Variants in RERE observed in about 807,000 individuals in gnomAD.
RERE encodes the protein arginine-glutamic acid dipeptide repeats protein.
A neutral mutation model predicts 146.1 loss-of-function variants in RERE; 40 were observed. That is an observed-to-expected ratio of 0.27 (90% CI 0.21 to 0.36). RERE has a LOEUF of 0.36. Among genes scored for constraint, RERE ranks in the 10% least tolerant of loss-of-function variants. RERE has a pLI of 1.00. For missense variants in RERE, 1,933 were observed against 2,138.7 expected, an observed-to-expected ratio of 0.90 and a Z score of 1.90; for synonymous variants, 1,003 against 866.0, an observed-to-expected ratio of 1.16 and a Z score of -2.78.
chr1:8,386,018 A>ATT (rs1428623957), intron 12 of RERE, among the ~76,000 whole-genome samples: 10 of 41,904 alleles, frequency 2.4e-4, no homozygotes, highest in African/African-American at 5.1e-4. Context: ...ATATATATAT[A>ATT]TATATTTTTT....
intron 1 of RERE, among the ~76,000 whole-genome samples, chr1:8,712,850 G>A (rs1188304619): frequency 6.6e-6 from 1 of 151,700 alleles, no homozygotes; most frequent in Non-Finnish European, 1.5e-5. Context: ...CTTTTTCTCA[G>A]GAAGGTCAGA....
intron 11 of RERE, chr1:8,465,646 T>G (rs1166442448): frequency 2.0e-6 from 1 of 503,196 alleles, no homozygotes; most frequent in Non-Finnish European, 3.8e-6. Flanking sequence ...AAAAACAAGT[T>G]CAAATTAACT....
intron 1 of RERE, among the ~76,000 whole-genome samples, chr1:8,793,430 A>G (rs1641405453): frequency 1.3e-5 from 2 of 152,216 alleles, no homozygotes; most frequent in African/African-American, 2.4e-5. Flanking sequence ...TTTCAAAGCC[A>G]GTCCCACAAC....
chr1:8,609,210 C>T (rs1646760335), intron 4 of RERE, among the ~76,000 whole-genome samples: 1 of 151,418 alleles, frequency 6.6e-6, no homozygotes, highest in Non-Finnish European at 1.5e-5. Flanking sequence ...AGAGCAAGAC[C>T]CTGTCTCCCA....
intron 1 of RERE, among the ~76,000 whole-genome samples, chr1:8,708,969 G>A (rs530571206): frequency 7.4e-6 from 1 of 134,700 alleles, no homozygotes; most frequent in Non-Finnish European, 1.5e-5. Flanking sequence ...TTGGAGTGCA[G>A]TGGTGCAATC....
chr1:8,641,771 G>GA (rs1647182309), intron 2 of RERE, among the ~76,000 whole-genome samples: 1 of 152,146 alleles, frequency 6.6e-6, no homozygotes, highest in South Asian at 2.1e-4. Flanking sequence ...AAATATTCAT[G>GA]ATTTACCCTA....
chr1:8,446,783 C>T (rs1462564444), intron 11 of RERE, among the ~76,000 whole-genome samples: 1 of 152,092 alleles, frequency 6.6e-6, no homozygotes, highest in Non-Finnish European at 1.5e-5. Flanking sequence ...ACGCCATTCT[C>T]CTGCCTCAGC....
At chr1:8,457,168 T>C (rs1278491961) in intron 11 of RERE, among the ~76,000 whole-genome samples, 1 of 152,164 alleles carries the variant, frequency 6.6e-6, no homozygotes, top group East Asian at 1.9e-4. Flanking sequence ...TATCTTCATG[T>C]TCACACAGTC....
chr1:8,658,901 T>C (rs771462008), intron 1 of RERE, among the ~76,000 whole-genome samples: 13 of 152,262 alleles, frequency 8.5e-5, no homozygotes, highest in South Asian at 4.1e-4. Context: ...ATCTCAAATA[T>C]CCTTAGACAT....
At chr1:8,798,632 C>A in intron 1 of RERE, 1 of 219,140 alleles carries the variant, frequency 4.6e-6, no homozygotes, top group South Asian at 8.3e-5. Context: ...CCACTATCCC[C>A]ACAAACTGAC....
intron 2 of RERE, among the ~76,000 whole-genome samples, chr1:8,629,846 A>G (rs1647014392): frequency 6.6e-6 from 1 of 152,204 alleles, no homozygotes; most frequent in Non-Finnish European, 1.5e-5. Flanking sequence ...CCCTTTGCAA[A>G]GCATGGCAGT....
intron 11 of RERE, among the ~76,000 whole-genome samples, chr1:8,440,616 G>A (rs1460690715): frequency 1.4e-5 from 2 of 141,998 alleles, no homozygotes; most frequent in South Asian, 2.3e-4. Flanking sequence ...GGCTGGGCAC[G>A]GTGGCTCCTG....
chr1:8,360,847 G>T lies in RERE; in HGVS notation c.2660C>A (p.Thr887Asn). 1.3e-6 allele frequency: 2 copies of T among 1,539,318 alleles called. No individual in the cohort carries two copies. The highest frequency in any genetic ancestry group is 2.7e-5 in the African/African-American group (2 of 73,502). ...GTGAGGGTACGCTGCTGCTGGGGAG[G>T]TCCCCAGAGGGGCCTGGCCTTGGGA... ...QASQGQAPLGTSPAAAYPHTS... is the reference protein window; with the variant it reads ...QASQGQAPLGNSPAAAYPHTS... Residue 887 changes from threonine to asparagine, a missense_variant, in exon 18 of 23, where the codon ACC becomes AAC. Thr to Asn is a moderately conservative substitution (Grantham distance 65). Coordinates refer to ENST00000400908, the MANE Select transcript of RERE (RefSeq NM_001042681.2).
intron 1 of RERE, among the ~76,000 whole-genome samples, chr1:8,677,087 A>G (rs2124386352): frequency 6.6e-6 from 1 of 152,182 alleles, no homozygotes; most frequent in South Asian, 2.1e-4. Flanking sequence ...CACTAGCCCA[A>G]GAGGGGTTTT....
chr1:8,492,666 G>A (rs775952573), intron 10 of RERE, among the ~76,000 whole-genome samples: 19 of 152,288 alleles, frequency 1.2e-4, no homozygotes, highest in East Asian at 1.9e-4. Context: ...TTGGGAGGCC[G>A]AGGCAGGAGG....
In RERE at chr1:8,817,513, T is replaced by C. The variant is rs1569857042; in HGVS notation, c.-498A>G. 1 of 137,150 alleles carries C rather than the reference T, an allele frequency of 7.3e-6. No individual in the cohort carries two copies. Among genetic ancestry groups the C allele is most frequent in the Non-Finnish European group, 1.5e-5 (1 of 64,612 alleles). The allele number at this position is 137,150 out of a possible 1,614,324, so 8.5% of individuals were successfully genotyped here. ...AGGAGAGAAAATGAGGCAGAGACAA[T>C]GTGGGGAGCGAGAGAGGGGAAAAGG... is the stretch of plus-strand genomic sequence containing the variant. On this transcript the variant is annotated 5_prime_UTR_variant, in exon 1 of 23. Coordinates refer to ENST00000400908, the MANE Select transcript of RERE (RefSeq NM_001042681.2).
chr1:8,653,762 G>A (rs537441039), intron 2 of RERE, among the ~76,000 whole-genome samples: 7 of 150,364 alleles, frequency 4.7e-5, no homozygotes, highest in East Asian at 2.0e-4. Context: ...ATGTGCGTAC[G>A]CCCTAAACAA....
chr1:8,547,087 T>TTA (rs1491371353), intron 6 of RERE, among the ~76,000 whole-genome samples: 1 of 143,178 alleles, frequency 7.0e-6, no homozygotes, highest in Admixed American at 7.1e-5. Flanking sequence ...GCTTTTTTTT[T>TTA]AAAAAAAAAA....
chr1:8,737,595 T>C (rs1218483099), intron 1 of RERE, among the ~76,000 whole-genome samples: 1 of 152,058 alleles, frequency 6.6e-6, no homozygotes, highest in African/African-American at 2.4e-5. Context: ...TTTTTTTTTT[T>C]TTAACTTTTT....
Sources: allele counts gnomAD v4.1 joint callset (sites outside exome capture counted in the v4.1 genomes callset), GRCh38; gene constraint gnomAD v4.1.1; transcripts MANE v1.5; gene names NCBI Gene and HGNC (gene_info 2026-07-23, HGNC 2026-07-21).